The following DAB1 variants were observed in gnomAD, a reference collection of about 807,000 sequenced individuals.
The protein encoded by DAB1 is DAB adaptor protein 1.
DAB1 carries 15 observed loss-of-function variants against 64.6 expected under a neutral mutation model. The ratio of observed to expected loss-of-function variants is 0.23; its 90% CI spans 0.16 to 0.36. The LOEUF is 0.36. Among genes scored for constraint, DAB1 ranks in the 10% least tolerant of loss-of-function variants. The pLI, the probability that DAB1 is intolerant of heterozygous loss-of-function variation, is 1.00. For missense variants in DAB1, 596 were observed against 706.7 expected, an observed-to-expected ratio of 0.84 and a Z score of 1.78; for synonymous variants, 235 against 251.9, an observed-to-expected ratio of 0.93 and a Z score of 0.64.
At chr1:57,820,089 A>G (rs1243238310) in intron 6 of DAB1, among the ~76,000 whole-genome samples, 4 of 152,144 alleles carry the variant, frequency 2.6e-5, no homozygotes, top group Non-Finnish European at 4.4e-5. Flanking sequence ...ACCTCCATTA[A>G]CAGAAACCAG....
intron 5 of DAB1, among the ~76,000 whole-genome samples, chr1:58,031,989 CGTGTGTGTGT>C (rs59449665): frequency 0.01 from 1,465 of 141,970 alleles, 24 homozygotes; most frequent in African/African-American, 0.033. Flanking sequence ...CTGATAGAAA[CGTGTGTGTGT>C]GTGTGTGTGT....
At chr1:57,290,129 C>A (rs1672650774) in intron 2 of DAB1, among the ~76,000 whole-genome samples, 1 of 152,060 alleles carries the variant, frequency 6.6e-6, no homozygotes, top group African/African-American at 2.4e-5. Context: ...AAAACACTAA[C>A]CAAGTGCTAA....
intron 7 of DAB1, among the ~76,000 whole-genome samples, chr1:57,460,759 G>T (rs1686755354): frequency 6.6e-6 from 1 of 152,070 alleles, no homozygotes; most frequent in Non-Finnish European, 1.5e-5. Context: ...CCAGCCCTCG[G>T]CCACAATAAG....
At chr1:57,114,022 G>A (rs897759482) in intron 4 of DAB1, among the ~76,000 whole-genome samples, 3 of 152,144 alleles carry the variant, frequency 2.0e-5, no homozygotes, top group Admixed American at 1.3e-4. Context: ...GTCACTGTAT[G>A]AATTAGTTTC....
At chr1:57,708,231 G>T (rs1037556658) in intron 6 of DAB1, among the ~76,000 whole-genome samples, 1 of 152,204 alleles carries the variant, frequency 6.6e-6, no homozygotes, top group Non-Finnish European at 1.5e-5. Context: ...TTCCCTTCCA[G>T]CTCAAGGTGG....
chr1:57,105,653 T>G (rs1187665463), intron 4 of DAB1, among the ~76,000 whole-genome samples: 1 of 152,200 alleles, frequency 6.6e-6, no homozygotes, highest in Non-Finnish European at 1.5e-5. Context: ...GGTTGAACAC[T>G]GTCTTTTTTC....
intron 3 of DAB1, among the ~76,000 whole-genome samples, chr1:58,485,038 T>C (rs1004578271): frequency 6.6e-6 from 1 of 151,968 alleles, no homozygotes; most frequent in Non-Finnish European, 1.5e-5. Context: ...TAAACCCTAA[T>C]GGACTTTGGG....
chr1:58,025,646 T>C (rs987179576), intron 5 of DAB1, among the ~76,000 whole-genome samples: 783 of 50,242 alleles, frequency 0.016, 9 homozygotes, highest in African/African-American at 0.039. Flanking sequence ...TATATATATA[T>C]GTGTGTATAT....
chr1:57,394,426 C>G (rs78946857), intron 1 of DAB1, among the ~76,000 whole-genome samples: 1 of 152,186 alleles, frequency 6.6e-6, no homozygotes, highest in Admixed American at 6.5e-5. Context: ...GAACCTCAAA[C>G]CTTGACAAAA....
chr1:57,121,044 A>G (rs1422471775), intron 4 of DAB1, among the ~76,000 whole-genome samples: 1 of 151,782 alleles, frequency 6.6e-6, no homozygotes, highest in African/African-American at 2.4e-5. Context: ...AGATAAAGGA[A>G]GGGGCAAAGA....
At chr1:57,693,683 T>G (rs1303206504) in intron 6 of DAB1, among the ~76,000 whole-genome samples, 1 of 152,178 alleles carries the variant, frequency 6.6e-6, no homozygotes, top group Admixed American at 6.5e-5. Flanking sequence ...GCACCACCTT[T>G]AAGAGCTGTA....
chr1:58,294,442 A>AT (rs1246406845), intron 4 of DAB1, among the ~76,000 whole-genome samples: 1 of 152,120 alleles, frequency 6.6e-6, no homozygotes, highest in Non-Finnish European at 1.5e-5. Context: ...TAGACAATTA[A>AT]TAAAAAAAAA....
chr1:58,469,820 T>C (rs569775514), intron 3 of DAB1, among the ~76,000 whole-genome samples: 1 of 152,260 alleles, frequency 6.6e-6, no homozygotes, highest in East Asian at 1.9e-4. Context: ...TATTTCAAAA[T>C]AGATGGATGG....
intron 3 of DAB1, among the ~76,000 whole-genome samples, chr1:58,449,088 T>C (rs934586900): frequency 1.3e-5 from 2 of 152,180 alleles, no homozygotes; most frequent in African/African-American, 4.8e-5. Context: ...CTTGGATACA[T>C]CCACGCGTGC....
At chr1:58,252,381 A>G (rs564117984) in intron 4 of DAB1, among the ~76,000 whole-genome samples, 4 of 152,228 alleles carry the variant, frequency 2.6e-5, no homozygotes, top group African/African-American at 9.6e-5. Context: ...GGTCTTTTCA[A>G]TTTTTTCCTG....
At chr1:57,310,233 G>C (rs1674565935) in intron 1 of DAB1, among the ~76,000 whole-genome samples, 1 of 152,174 alleles carries the variant, frequency 6.6e-6, no homozygotes, top group Non-Finnish European at 1.5e-5. Context: ...TTTTTAATGA[G>C]TAGTTAGCAA....
At chr1:58,210,044 G>A (rs1185800982) in intron 4 of DAB1, among the ~76,000 whole-genome samples, 2 of 152,108 alleles carry the variant, frequency 1.3e-5, no homozygotes. Context: ...ACAATTTAAT[G>A]AGCACTTGTT....
chr1:57,653,786 T>C (rs2101658540), intron 6 of DAB1, among the ~76,000 whole-genome samples: 1 of 152,266 alleles, frequency 6.6e-6, no homozygotes, highest in African/African-American at 2.4e-5. Context: ...CTAATTTTTG[T>C]ATTTTTAGTA....
chr1:57,832,797 T>G (rs58478797), intron 1 of DAB1, among the ~76,000 whole-genome samples: 1,905 of 152,276 alleles, frequency 0.013, 42 homozygotes, highest in African/African-American at 0.043. Flanking sequence ...CTGAAGTGGA[T>G]TGTTTATGTT....
Sources: gnomAD v4.1 joint callset for allele counts (sites outside exome capture counted in the v4.1 genomes callset) on GRCh38, gnomAD v4.1.1 for gene constraint, MANE v1.5 for transcripts, NCBI Gene and HGNC (gene_info 2026-07-23, HGNC 2026-07-21) for gene names.